ENTREP2: variants seen among roughly 807,000 people sequenced by gnomAD.
ENTREP2 encodes the protein endosomal transmembrane epsin interactor 2.
the ENTREP2 span, among the ~76,000 whole-genome samples, chr15:29,296,369 G>A: frequency 6.6e-6 from 1 of 152,110 alleles, no homozygotes; most frequent in Non-Finnish European, 1.5e-5. Flanking sequence ...GAAGGGCTAA[G>A]AATGAATCTA....
the ENTREP2 span, among the ~76,000 whole-genome samples, chr15:29,335,352 C>T: frequency 6.6e-6 from 1 of 152,186 alleles, no homozygotes; most frequent in Non-Finnish European, 1.5e-5. Context: ...CTGCAAAGGC[C>T]TGCACTATCT....
the ENTREP2 span, among the ~76,000 whole-genome samples, chr15:29,563,277 T>A: frequency 1.3e-5 from 2 of 152,230 alleles, no homozygotes; most frequent in South Asian, 4.1e-4. Flanking sequence ...CCCTGGACAC[T>A]AATTATACAT....
At chr15:29,540,761 T>C in the ENTREP2 span, among the ~76,000 whole-genome samples, 1 of 152,238 alleles carries the variant, frequency 6.6e-6, no homozygotes, top group Non-Finnish European at 1.5e-5. Flanking sequence ...CAACGGCACA[T>C]GGGATCTTCC....
chr15:29,657,393 G>A, the ENTREP2 span, among the ~76,000 whole-genome samples: 4 of 144,572 alleles, frequency 2.8e-5, no homozygotes, highest in African/African-American at 7.7e-5. Flanking sequence ...GACCCAAAAA[G>A]TGAGCAGTAG....
chr15:29,127,977 T>G, the ENTREP2 span, among the ~76,000 whole-genome samples: 1 of 152,194 alleles, frequency 6.6e-6, no homozygotes, highest in Admixed American at 6.5e-5. Context: ...ATCCCACGAC[T>G]GCAAAGATGC....
At chr15:29,213,105 G>T in the ENTREP2 span, among the ~76,000 whole-genome samples, 3 of 152,092 alleles carry the variant, frequency 2.0e-5, no homozygotes, top group Admixed American at 1.3e-4. Context: ...GGTTGTAGAC[G>T]TGTGGTATTA....
chr15:29,542,355 T>C, the ENTREP2 span, among the ~76,000 whole-genome samples: 81 of 151,672 alleles, frequency 5.3e-4, no homozygotes, highest in East Asian at 7.8e-3. Flanking sequence ...CTGGAGTGCA[T>C]TGGCGTGATC....
the ENTREP2 span, among the ~76,000 whole-genome samples, chr15:29,538,413 A>G: frequency 6.6e-6 from 1 of 152,104 alleles, no homozygotes; most frequent in Non-Finnish European, 1.5e-5. Context: ...CTCGGAAATT[A>G]TTATAAGTTA....
At chr15:29,570,394 G>A in the ENTREP2 span, 1 of 627,808 alleles carries the variant, frequency 1.6e-6, no homozygotes, top group African/African-American at 1.9e-5. Flanking sequence ...CGGCCCCGGC[G>A]TTGGCCGCCG....
chr15:29,210,156 G>C, the ENTREP2 span, among the ~76,000 whole-genome samples: 1 of 152,000 alleles, frequency 6.6e-6, no homozygotes, highest in African/African-American at 2.4e-5. Flanking sequence ...CCCACACCTC[G>C]AACTACACCC....
At chr15:29,269,493 G>T in the ENTREP2 span, 1 of 1,608,216 alleles carries the variant, frequency 6.2e-7, no homozygotes, top group Non-Finnish European at 8.5e-7. Flanking sequence ...GGGCGGCCTG[G>T]GCCCGGCGGG....
At chr15:29,170,597 TGA>T in the ENTREP2 span, among the ~76,000 whole-genome samples, 26 of 150,344 alleles carry the variant, frequency 1.7e-4, no homozygotes, top group African/African-American at 6.3e-4. Context: ...TGTGTGTGTG[TGA>T]GTGTGTGTGT....
the ENTREP2 span, among the ~76,000 whole-genome samples, chr15:29,316,091 G>T: frequency 1.3e-5 from 2 of 152,240 alleles, no homozygotes; most frequent in African/African-American, 4.8e-5. Context: ...ATTTGACTTT[G>T]TAACAGTAAA....
the ENTREP2 span, among the ~76,000 whole-genome samples, chr15:29,356,875 C>T: frequency 3.9e-4 from 60 of 152,208 alleles, 1 homozygote; most frequent in East Asian, 3.1e-3. Flanking sequence ...TAAAATCCAA[C>T]AAGCTGATTC....
the ENTREP2 span, among the ~76,000 whole-genome samples, chr15:29,499,803 G>C: frequency 2.0e-5 from 3 of 152,108 alleles, no homozygotes; most frequent in Non-Finnish European, 2.9e-5. Context: ...GAAAGGCAGA[G>C]ATTGGCAGAA....
chr15:29,540,526 T>C, the ENTREP2 span, among the ~76,000 whole-genome samples: 2 of 152,316 alleles, frequency 1.3e-5, no homozygotes, highest in African/African-American at 2.4e-5. Context: ...GAAGGAAAAC[T>C]GGCAAGTTCA....
the ENTREP2 span, among the ~76,000 whole-genome samples, chr15:29,204,715 T>C: frequency 6.6e-6 from 1 of 152,286 alleles, no homozygotes; most frequent in Admixed American, 6.5e-5. Context: ...ATGTTGCTAT[T>C]ATTTACATTA....
the ENTREP2 span, among the ~76,000 whole-genome samples, chr15:29,148,808 T>C: frequency 2.0e-5 from 3 of 152,156 alleles, no homozygotes; most frequent in Non-Finnish European, 4.4e-5. Context: ...TCTGTGTTTT[T>C]AAAGTGGGGC....
the ENTREP2 span, among the ~76,000 whole-genome samples, chr15:29,489,682 A>T: frequency 6.6e-6 from 1 of 152,178 alleles, no homozygotes; most frequent in South Asian, 2.1e-4. Context: ...CACAACCCCA[A>T]CAGTACCCGT....
Sources: gnomAD v4.1 joint callset for allele counts (sites outside exome capture counted in the v4.1 genomes callset) on GRCh38, gnomAD v4.1.1 for gene constraint, MANE v1.5 for transcripts, NCBI Gene and HGNC (gene_info 2026-07-23, HGNC 2026-07-21) for gene names.